MACROD1: variants seen among roughly 807,000 people sequenced by gnomAD.
MACROD1 encodes ADP-ribose glycohydrolase MACROD1.
MACROD1 carries 31 observed loss-of-function variants against 41.4 expected under a neutral mutation model. The ratio of observed to expected loss-of-function variants is 0.75; its 90% confidence interval spans 0.56 to 1.01. The LOEUF is 1.01. Among genes scored for constraint, MACROD1 ranks in the 50% least tolerant of loss-of-function variants. The pLI, the probability that MACROD1 is intolerant of heterozygous loss-of-function variation, is 0.00. For synonymous variants in MACROD1, 252 were observed against 203.4 expected, an observed-to-expected ratio of 1.24 and a Z score of -2.03; for missense variants, 473 against 460.0, an observed-to-expected ratio of 1.03 and a Z score of -0.26.
At chr11:64,039,890 C>T (rs764904234) in intron 3 of MACROD1, among the ~76,000 whole-genome samples, 3 of 152,044 alleles carry the variant, frequency 2.0e-5, no homozygotes, top group Non-Finnish European at 4.4e-5. Flanking sequence ...GGGGAGAGGA[C>T]AGGGAGGAGG....
chr11:64,118,598 T>A (rs965847677), intron 3 of MACROD1: 4 of 299,720 alleles, frequency 1.3e-5, no homozygotes, highest in South Asian at 9.0e-5. Flanking sequence ...GGTTGGGTTT[T>A]TTTTTTTTCC....
rs545491431 is a variant in MACROD1 at position 64,149,126 on chromosome 11, G to A, written c.517+2113C>T. The A allele has an allele frequency of 2.5e-5, 16 of 631,758 alleles. No homozygotes were observed. In the South Asian group the frequency reaches 9.9e-4, roughly 39 times the overall value. 39.1% of individuals were successfully genotyped at this position (631,758 alleles called of 1,614,324 possible). ...AGGTGAAAGCTGATCATTTGCAGGAGGTACCATGTCCCTCGGCACCGCTGG... is the reference window on the plus strand; with the variant it reads ...AGGTGAAAGCTGATCATTTGCAGGAAGTACCATGTCCCTCGGCACCGCTGG... On this transcript the variant is annotated intron_variant, in intron 3 of 10. Transcript: ENST00000255681.
intron 1 of MACROD1, among the ~76,000 whole-genome samples, chr11:64,162,732 A>T: frequency 6.7e-6 from 1 of 150,076 alleles, no homozygotes; most frequent in East Asian, 2.0e-4. Context: ...GGAGAATGGC[A>T]TGAACCCAGG....
chr11:64,133,825 G>C (rs988916044), intron 3 of MACROD1, among the ~76,000 whole-genome samples: 1 of 152,224 alleles, frequency 6.6e-6, no homozygotes, highest in Non-Finnish European at 1.5e-5. Context: ...CCTGCTGCAG[G>C]AATTAATGAA....
chr11:64,155,901 G>C (rs1945660142), intron 1 of MACROD1, among the ~76,000 whole-genome samples: 1 of 152,044 alleles, frequency 6.6e-6, no homozygotes. Context: ...CTGACATCAG[G>C]AGTTTGAGAT....
At chr11:64,098,479 A>C (rs1251101396) in intron 3 of MACROD1, among the ~76,000 whole-genome samples, 2 of 152,168 alleles carry the variant, frequency 1.3e-5, no homozygotes, top group African/African-American at 4.8e-5. Context: ...CCCTGCCCCC[A>C]GCCTTCTGTC....
At chr11:63,999,581 G>A (rs879701965) in intron 6 of MACROD1, 21 bp from the exon 7 acceptor site, 3 of 1,610,352 alleles carry the variant, frequency 1.9e-6, no homozygotes, top group Non-Finnish European at 2.5e-6. Flanking sequence ...AGGGGTGAGA[G>A]GGGGTTGGAA....
intron 3 of MACROD1, among the ~76,000 whole-genome samples, chr11:64,062,352 G>T (rs556978307): frequency 6.6e-6 from 1 of 152,280 alleles, no homozygotes; most frequent in Admixed American, 6.5e-5. Flanking sequence ...GTCTGTGGCT[G>T]GCTCAGACAT....
chr11:64,008,091 C>T (rs972948075), intron 4 of MACROD1, among the ~76,000 whole-genome samples: 2 of 152,222 alleles, frequency 1.3e-5, no homozygotes, highest in Admixed American at 6.5e-5. Context: ...AGGAGTCGAG[C>T]GCTGAATACT....
At chr11:64,019,209 G>A (rs573668808) in intron 3 of MACROD1, among the ~76,000 whole-genome samples, 1 of 152,226 alleles carries the variant, frequency 6.6e-6, no homozygotes, top group South Asian at 2.1e-4. Flanking sequence ...CGGCCCCATC[G>A]GGTTCCCCCC....
intron 3 of MACROD1, among the ~76,000 whole-genome samples, chr11:64,019,691 G>C (rs1290745539): frequency 6.6e-6 from 1 of 152,186 alleles, no homozygotes; most frequent in Non-Finnish European, 1.5e-5. Flanking sequence ...GAACAGTATG[G>C]AGTCCCTGGG....
At chr11:64,138,857 TCCCAG>T (rs1945369789) in intron 3 of MACROD1, among the ~76,000 whole-genome samples, 1 of 151,722 alleles carries the variant, frequency 6.6e-6, no homozygotes, top group East Asian at 1.9e-4. Context: ...AACTTCTGCC[TCCCAG>T]GTTCAAGCAA....
At chr11:64,026,760 T>A (rs1429449368) in intron 3 of MACROD1, among the ~76,000 whole-genome samples, 3 of 152,180 alleles carry the variant, frequency 2.0e-5, no homozygotes, top group African/African-American at 7.2e-5. Context: ...GGTCTGGCTC[T>A]TTCATGCCCC....
chr11:64,152,207 T>C lies in MACROD1; in HGVS notation c.400+85A>G, dbSNP rs993788274. 22 of 1,088,600 alleles carry C rather than the reference T, an allele frequency of 2.0e-5. No homozygotes were observed. In the Admixed American group the frequency reaches 3.6e-4, roughly 18 times the overall value. The allele number at this position is 1,088,600 out of a possible 1,614,324, so 67.4% of individuals were successfully genotyped here. ...GCAGCAAGCACTCGATACATGCCAC[T>C]GGACTAGCTCTTCTTGTCTGCACAA... is the stretch of plus-strand genomic sequence containing the variant. On this transcript the variant is annotated intron_variant, in intron 2 of 10. Transcript: ENST00000255681.
At chr11:64,038,394 C>G (rs1943423610) in intron 3 of MACROD1, among the ~76,000 whole-genome samples, 1 of 152,290 alleles carries the variant, frequency 6.6e-6, no homozygotes, top group Non-Finnish European at 1.5e-5. Context: ...CAGGGAAGGG[C>G]AGTGCACACA....
intron 3 of MACROD1, chr11:64,116,366 C>G: frequency 6.2e-7 from 1 of 1,613,444 alleles, no homozygotes; most frequent in South Asian, 1.1e-5. Flanking sequence ...ACCTGCGGGA[C>G]TGGCTGTTCC....
At chr11:64,047,805 G>A (rs1392584151) in intron 3 of MACROD1, among the ~76,000 whole-genome samples, 1 of 151,396 alleles carries the variant, frequency 6.6e-6, no homozygotes, top group African/African-American at 2.4e-5. Context: ...GCTGAGGCAG[G>A]AGAATCGCTT....
chr11:64,006,566 G>A (rs1333431075), intron 4 of MACROD1, among the ~76,000 whole-genome samples: 2 of 152,206 alleles, frequency 1.3e-5, no homozygotes, highest in African/African-American at 4.8e-5. Flanking sequence ...TGTACACAAC[G>A]GCAGTGCCTC....
rs1942801368 is a variant in MACROD1, at chr11:64,000,339, G to A, written c.552C>T (p.Asp184=). Residue 184 remains aspartate (D), a synonymous_variant, in exon 5 of 11, where the codon GAC becomes GAT. Coordinates refer to ENST00000255681, the MANE Select transcript of MACROD1 (RefSeq NM_014067.4). ...GGCCGGCGGCCCGATGAATGCAGCC[G>A]TCCACTGCGGGAAGGGCGGGCGCGA... ...NSSLLGGGGV[D]GCIHRAAGPL... is the part of the protein sequence containing the mutation. The A allele has an allele frequency of 2.5e-6, 4 of 1,571,836 alleles. No homozygotes were observed. The highest frequency in any genetic ancestry group is 2.4e-5 in the East Asian group (1 of 42,142).
Sources: gnomAD v4.1 joint callset for allele counts (sites outside exome capture counted in the v4.1 genomes callset) on GRCh38, gnomAD v4.1.1 for gene constraint, MANE v1.5 for transcripts, NCBI Gene and HGNC (gene_info 2026-07-23, HGNC 2026-07-21) for gene names.